Variants in ROBO1 observed in about 807,000 individuals in gnomAD.
ROBO1 encodes the protein roundabout homolog 1.
A neutral mutation model predicts 195.9 loss-of-function variants in ROBO1; 149 were observed. The observed-to-expected ratio is 0.76, with a 90% CI of 0.67 to 0.87. The LOEUF is 0.87. Ranked by LOEUF, ROBO1 falls within the 40% of genes least tolerant of loss-of-function variation. The probability of loss-of-function intolerance (pLI) is 0.00; values close to 1 mark genes in which losing one functional copy is unlikely to be tolerated. For missense variants in ROBO1, 1,933 were observed against 2,068.3 expected, an observed-to-expected ratio of 0.93 and a Z score of 1.27; for synonymous variants, 816 against 733.2, an observed-to-expected ratio of 1.11 and a Z score of -1.82.
intron 3 of ROBO1, among the ~76,000 whole-genome samples, chr3:78,995,042 C>A (rs1170657912): frequency 6.6e-6 from 1 of 152,148 alleles, no homozygotes; most frequent in Non-Finnish European, 1.5e-5. Flanking sequence ...ACACTCGAAG[C>A]CAGAAGTGTC....
chr3:78,998,636 A>C (rs1485896508), intron 3 of ROBO1, among the ~76,000 whole-genome samples: 1 of 152,058 alleles, frequency 6.6e-6, no homozygotes, highest in Non-Finnish European at 1.5e-5. Flanking sequence ...CTCCTGATTG[A>C]TAGTCACCTG....
intron 1 of ROBO1, among the ~76,000 whole-genome samples, chr3:79,707,464 C>T (rs537614302): frequency 1.3e-5 from 2 of 151,892 alleles, no homozygotes; most frequent in Admixed American, 6.6e-5. Flanking sequence ...ATTGCTTTTT[C>T]TCTGTTGATT....
intron 2 of ROBO1, among the ~76,000 whole-genome samples, chr3:79,416,579 G>T (rs1374455615): frequency 6.7e-6 from 1 of 149,638 alleles, no homozygotes; most frequent in African/African-American, 2.5e-5. Context: ...CTGCACTCCA[G>T]CCTGGGTGAG....
intron 4 of ROBO1, among the ~76,000 whole-genome samples, chr3:78,898,689 C>T (rs1213452720): frequency 1.3e-5 from 2 of 151,480 alleles, no homozygotes; most frequent in East Asian, 1.9e-4. Context: ...GCACCTGGCC[C>T]TAAAACATAT....
chr3:78,729,520 C>T (rs1375277664), intron 5 of ROBO1, among the ~76,000 whole-genome samples: 3 of 152,174 alleles, frequency 2.0e-5, no homozygotes, highest in African/African-American at 7.2e-5. Flanking sequence ...TTTTCCTGGG[C>T]TAGACAGAGG....
chr3:78,651,574 T>C (rs1208004048), intron 19 of ROBO1, among the ~76,000 whole-genome samples, 158 bp downstream of exon 19: 1 of 152,186 alleles, frequency 6.6e-6, no homozygotes, highest in African/African-American at 2.4e-5. Flanking sequence ...GAGAAGTTAA[T>C]ATGTGGATAC....
At chr3:78,793,231 G>T (rs2084079616) in intron 4 of ROBO1, among the ~76,000 whole-genome samples, 1 of 151,818 alleles carries the variant, frequency 6.6e-6, no homozygotes, top group African/African-American at 2.4e-5. Flanking sequence ...AATAATTCAT[G>T]GAGTTGTAAT....
At chr3:79,658,279 G>T (rs1946228990) in intron 1 of ROBO1, among the ~76,000 whole-genome samples, 1 of 152,066 alleles carries the variant, frequency 6.6e-6, no homozygotes, top group Non-Finnish European at 1.5e-5. Context: ...TTTTCCTAGA[G>T]CACAATGTTC....
At chr3:79,310,945 G>T (rs2033457584) in intron 2 of ROBO1, among the ~76,000 whole-genome samples, 1 of 152,140 alleles carries the variant, frequency 6.6e-6, no homozygotes, top group South Asian at 2.1e-4. Flanking sequence ...TATCCACTGT[G>T]GTTTTCTCTC....
chr3:79,483,858 T>A (rs1258061446), intron 2 of ROBO1, among the ~76,000 whole-genome samples: 1 of 151,498 alleles, frequency 6.6e-6, no homozygotes, highest in African/African-American at 2.4e-5. Flanking sequence ...AGTAGAGAAA[T>A]CTCTAATATG....
chr3:79,282,994 C>G (rs1205420807), intron 2 of ROBO1, among the ~76,000 whole-genome samples: 1 of 151,962 alleles, frequency 6.6e-6, no homozygotes, highest in Non-Finnish European at 1.5e-5. Flanking sequence ...CACATCAAAC[C>G]CAGAAAAGAA....
chr3:79,285,071 T>G (rs571709702), intron 2 of ROBO1, among the ~76,000 whole-genome samples: 2 of 152,228 alleles, frequency 1.3e-5, no homozygotes, highest in African/African-American at 4.8e-5. Context: ...ATATTAGGTT[T>G]TGTTGAATAA....
At chr3:78,971,806 C>T (rs1476838984) in intron 3 of ROBO1, among the ~76,000 whole-genome samples, 1 of 152,046 alleles carries the variant, frequency 6.6e-6, no homozygotes, top group East Asian at 1.9e-4. Context: ...TGCACTGTCA[C>T]CCAAGTTGGA....
At position 79,707,526 on chromosome 3, in the gene ROBO1, T is replaced by C. The variant is rs141612291; in HGVS notation, c.-51+60226A>G. ...TTATATTTTAAAAATAATTTGTTTC[T>C]GAGACAGAGTCTTGCTCTGTTGCCC... is the stretch of plus-strand genomic sequence containing the variant. On this transcript the variant is annotated intron_variant, in intron 1 of 30. Transcript: ENST00000464233. Among the ~76,000 whole-genome samples the C allele has an allele frequency of 9.3e-3, 1,419 of 152,314 alleles. 13 individuals are homozygous for C. The highest frequency in any genetic ancestry group is 0.034 in the Middle Eastern group (10 of 292).
chr3:78,980,152 A>G (rs936635824), intron 3 of ROBO1, among the ~76,000 whole-genome samples: 3 of 152,192 alleles, frequency 2.0e-5, no homozygotes, highest in Non-Finnish European at 4.4e-5. Flanking sequence ...TTAAAAATCA[A>G]TACATTAAGT....
Position 79,116,149 on chromosome 3 carries a change from G to C in ROBO1, c.172+9307C>G, listed in dbSNP as rs573026201. Among the ~76,000 whole-genome samples, 6 of 152,220 alleles carry C rather than the reference G, an allele frequency of 3.9e-5. No individual in the cohort carries two copies. In the East Asian group the frequency reaches 1.2e-3, roughly 29 times the overall value. ...CCATACCTGTGGGTGATTGGTTCCA[G>C]GATCCCCTGCAGATACCAAAATCCA... is the stretch of plus-strand genomic sequence containing the variant. On this transcript the variant is annotated intron_variant, in intron 3 of 30. Coordinates refer to ENST00000464233, the MANE Select transcript of ROBO1 (RefSeq NM_002941.4).
intron 2 of ROBO1, among the ~76,000 whole-genome samples, chr3:79,380,690 T>C (rs2036539538): frequency 6.6e-6 from 1 of 152,078 alleles, no homozygotes; most frequent in Non-Finnish European, 1.5e-5. Flanking sequence ...CTATGTTGTG[T>C]CCTATCCAAT....
chr3:79,764,312 A>T (rs1190014545), intron 1 of ROBO1, among the ~76,000 whole-genome samples: 1 of 152,250 alleles, frequency 6.6e-6, no homozygotes, highest in Non-Finnish European at 1.5e-5. Context: ...TAACAGTAAC[A>T]TTGCTCACTT....
At chr3:79,666,403 T>C (rs1265335896) in intron 1 of ROBO1, among the ~76,000 whole-genome samples, 1 of 151,932 alleles carries the variant, frequency 6.6e-6, no homozygotes, top group Non-Finnish European at 1.5e-5. Context: ...ATCAGGCTTT[T>C]ATTTTATCTT....
Sources: allele counts gnomAD v4.1 joint callset (sites outside exome capture counted in the v4.1 genomes callset), GRCh38; gene constraint gnomAD v4.1.1; transcripts MANE v1.5; gene names NCBI Gene and HGNC (gene_info 2026-07-23, HGNC 2026-07-21).